Variants in BBOF1 observed in about 807,000 individuals in gnomAD.
BBOF1 encodes the protein basal body orientation factor 1, also known as basal body-orientation factor 1.
BBOF1 carries 62 observed loss-of-function variants against 68.0 expected under a neutral mutation model. The observed-to-expected ratio is 0.91, with a 90% confidence interval of 0.74 to 1.13. The LOEUF is 1.13. BBOF1 is among the 50% of genes most tolerant of loss of function. The pLI is 0.00. For synonymous variants in BBOF1, 208 were observed against 198.8 expected, an observed-to-expected ratio of 1.05 and a Z score of -0.39; for missense variants, 534 against 600.1, an observed-to-expected ratio of 0.89 and a Z score of 1.15.
rs1410257911 is a variant in BBOF1 at position 74,072,769 on chromosome 14, C to T, written n.1380-5427C>T. 2.0e-5 allele frequency among the ~76,000 whole-genome samples: 3 copies of T among 152,130 alleles called. No homozygotes were observed. The East Asian group carries it at 5.8e-4, about 29-fold the overall frequency. On this transcript the variant is annotated intron_variant and non_coding_transcript_variant, in intron 9 of 12. Transcript: ENST00000492026. ...AAATGTTACCACTAGGAAAGAGACA[C>T]ATAATATCCCTATCTATTCTGTGTG...
chr14:74,064,322 A>T (rs1044665935), intron 11 of BBOF1, among the ~76,000 whole-genome samples: 7 of 151,798 alleles, frequency 4.6e-5, no homozygotes, highest in South Asian at 4.2e-4. Flanking sequence ...TAATAATAAT[A>T]ATAGTAATAA....
intron 2 of BBOF1, among the ~76,000 whole-genome samples, chr14:74,026,031 C>T (rs181356150): frequency 6.6e-6 from 1 of 151,550 alleles, no homozygotes; most frequent in East Asian, 1.9e-4. Flanking sequence ...GTCCCAGCTG[C>T]TTGGGAGGTT....
At chr14:74,040,012 T>A (rs112717083) in intron 4 of BBOF1, among the ~76,000 whole-genome samples, 2,246 of 151,962 alleles carry the variant, frequency 0.015, 50 homozygotes, top group African/African-American at 0.051. Flanking sequence ...ATATATATAT[T>A]TTTTGAGACT....
At chr14:74,063,865 CAA>C (rs71115948) in intron 11 of BBOF1, among the ~76,000 whole-genome samples, 112 of 124,148 alleles carry the variant, frequency 9.0e-4, no homozygotes, top group Admixed American at 9.9e-4. Flanking sequence ...GACTCTGTCT[CAA>C]AAAAAAAAAA....
downstream of BBOF1, chr14:74,070,929 A>C (rs1296913815): frequency 4.3e-6 from 2 of 468,830 alleles, no homozygotes; most frequent in Admixed American, 6.9e-5. Flanking sequence ...TGAAGAAAAA[A>C]GTTTCTTTTT....
At chr14:74,034,284 T>C in intron 4 of BBOF1, 113 bp downstream of exon 4, 1 of 679,454 alleles carries the variant, frequency 1.5e-6, no homozygotes, top group South Asian at 4.1e-5. Flanking sequence ...TCTTTGACAT[T>C]TTAGAAATTA....
chr14:74,035,183 T>A, intron 4 of BBOF1, among the ~76,000 whole-genome samples: 1 of 152,240 alleles, frequency 6.6e-6, no homozygotes, highest in East Asian at 1.9e-4. Flanking sequence ...AAATAGCACG[T>A]CACATGGTAA....
At chr14:74,027,656 A>G (rs958619949) in intron 2 of BBOF1, among the ~76,000 whole-genome samples, 2 of 152,112 alleles carry the variant, frequency 1.3e-5, no homozygotes, top group African/African-American at 4.8e-5. Flanking sequence ...ACCTTAACCA[A>G]CTGGTTAAAA....
At chr14:74,040,751 T>C in intron 5 of BBOF1, 106 bp downstream of exon 5, 1 of 651,074 alleles carries the variant, frequency 1.5e-6, no homozygotes, top group East Asian at 3.1e-5. Flanking sequence ...TAATAGAAGA[T>C]TAGAAGATTG....
At position 74,040,644 on chromosome 14, in the gene BBOF1, AG is replaced by A. The variant is rs2059809324; in HGVS notation, c.576+1del. On this transcript the variant is annotated frameshift_variant and splice_region_variant, in exon 5 of 12. Transcript: ENST00000394009. LOFTEE classifies it high-confidence loss of function. ...RRLESRFFEE[K>X]HRLEQEAEKK... ...CTGGAAAGCAGATTTTTTGAAGAAA[AG>A]GTACAGATTATTAGGGTTAATTTAA... The A allele has an allele frequency of 6.4e-7, 1 of 1,566,168 alleles. No individual in the cohort carries two copies. The highest frequency in any genetic ancestry group is 1.2e-5 in the South Asian group (1 of 85,004).
chr14:74,023,249 A>G, intron 2 of BBOF1, 105 bp downstream of exon 2: 1 of 647,738 alleles, frequency 1.5e-6, no homozygotes, highest in Non-Finnish European at 2.6e-6. Context: ...CTTAACATAT[A>G]CTTAAGACAT....
intron 2 of BBOF1, among the ~76,000 whole-genome samples, chr14:74,024,296 C>T (rs1470307806): frequency 6.6e-6 from 1 of 151,506 alleles, no homozygotes. Context: ...AGTCTCTACA[C>T]AAAGTAAAAA....
intron 5 of BBOF1, among the ~76,000 whole-genome samples, chr14:74,041,349 T>G (rs2059822319): frequency 6.6e-6 from 1 of 152,296 alleles, no homozygotes; most frequent in South Asian, 2.1e-4. Flanking sequence ...AACTCCAACT[T>G]AATTTCTGTG....
intron 8 of BBOF1, among the ~76,000 whole-genome samples, chr14:74,051,954 T>C (rs2139637756): frequency 6.6e-6 from 1 of 151,776 alleles, no homozygotes; most frequent in African/African-American, 2.4e-5. Context: ...TTTTGAATTA[T>C]ATGGCTGTTG....
intron 10 of BBOF1, among the ~76,000 whole-genome samples, chr14:74,079,110 T>A (rs1310559821): frequency 1.3e-5 from 2 of 151,844 alleles, no homozygotes; most frequent in Admixed American, 1.3e-4. Context: ...CCTTGGCCAG[T>A]ATTTTCCTCT....
chr14:74,035,413 CTT>C (rs35957144), intron 4 of BBOF1, among the ~76,000 whole-genome samples: 3,017 of 97,246 alleles, frequency 0.031, 90 homozygotes, highest in African/African-American at 0.11. Flanking sequence ...CATATGGGCC[CTT>C]TTTTTTTTTT....
rs76845680 is a variant in BBOF1 at position 74,055,340 on chromosome 14, G to C, written c.1287-244G>C. ...ATTTTTGTATTTTTAGTAGAGACGA[G>C]CTTTCATCACATTGTCCAGGCTGGT... On this transcript the variant is annotated intron_variant, in intron 8 of 11. Transcript: ENST00000394009. The C allele has an allele frequency of 6.2e-3, 2,344 of 376,252 alleles. 51 individuals are homozygous for C. Among genetic ancestry groups the C allele is most frequent in the African/African-American group, 0.045 (2,072 of 46,458 alleles). The allele number at this position is 376,252 out of a possible 1,614,324, so 23.3% of individuals were successfully genotyped here. A position where few individuals can be genotyped will look rare whatever the true frequency, so the allele number is the denominator to read the frequency against.
At chr14:74,034,270 ACT>A in intron 4 of BBOF1, 99 bp downstream of exon 4, 2 of 719,614 alleles carry the variant, frequency 2.8e-6, no homozygotes, top group Non-Finnish European at 4.1e-6. Context: ...ACGGCAAAGA[ACT>A]CTCTTTGACA....
chr14:74,067,344 G>A (rs1337611973), downstream of BBOF1: 1 of 1,611,106 alleles, frequency 6.2e-7, no homozygotes, highest in Admixed American at 1.7e-5. Flanking sequence ...TGCCACAGAT[G>A]CAAAATCTAA....
Sources: allele counts gnomAD v4.1 joint callset (sites outside exome capture counted in the v4.1 genomes callset), GRCh38; gene constraint gnomAD v4.1.1; transcripts MANE v1.5; gene names NCBI Gene and HGNC (gene_info 2026-07-23, HGNC 2026-07-21).